Variants in SPECC1 observed in about 807,000 individuals in gnomAD.
The protein encoded by SPECC1 is cytospin-B.
Under a neutral mutation model 104.1 loss-of-function variants are expected in SPECC1, and 62 were observed. The observed-to-expected ratio is 0.60, with a 90% CI of 0.49 to 0.74. The LOEUF is 0.74. Among genes scored for constraint, SPECC1 ranks in the 30% least tolerant of loss-of-function variants. The pLI is 0.00. For synonymous variants in SPECC1, 513 were observed against 501.6 expected, an observed-to-expected ratio of 1.02 and a Z score of -0.30; for missense variants, 1,306 against 1,310.5, an observed-to-expected ratio of 1.00 and a Z score of 0.05.
chr17:20,246,095 G>A (rs758144296), intron 8 of SPECC1, 24 bp downstream of exon 8: 9 of 1,611,342 alleles, frequency 5.6e-6, no homozygotes, highest in Admixed American at 3.3e-5. Context: ...TTTTCTATAA[G>A]CAAAGCTCCA....
chr17:20,246,008 A>G lies in SPECC1; in HGVS notation c.2434A>G (p.Thr812Ala). The change falls in exon 8 of 15, where the codon ACA (threonine) becomes GCA (alanine). Residue 812 changes from threonine (T) to alanine (A), a missense_variant. This residue lies in a region of SPECC1 where 1,177 missense variants were observed against 1,139.9 expected (regional missense o/e 1.03). Coordinates refer to ENST00000395527, the MANE Select transcript of SPECC1 (RefSeq NM_001243439.2). ...PGVCVSRTSP[T>A]PPESATTVKS... is the part of the protein sequence containing the mutation. ...TGTCTGTGTTAGCAGAACATCTCCA[A>G]CACCCCCAGAGTCGGCAACCACCGT... 1 of 1,614,032 alleles carries G rather than the reference A, an allele frequency of 6.2e-7. No individual in the cohort carries two copies. The highest frequency in any genetic ancestry group is 1.3e-5 in the African/African-American group (1 of 74,996).
chr17:20,052,454 A>T (rs2045809600), intron 1 of SPECC1, among the ~76,000 whole-genome samples: 1 of 152,232 alleles, frequency 6.6e-6, no homozygotes, highest in Non-Finnish European at 1.5e-5. Flanking sequence ...GTTCTAGCTC[A>T]GAAACACCAG....
intron 1 of SPECC1, among the ~76,000 whole-genome samples, chr17:20,021,702 A>ATATTTT (rs1402960712): frequency 1.8e-4 from 25 of 139,276 alleles, no homozygotes; most frequent in African/African-American, 6.4e-4. Flanking sequence ...ATATATATAT[A>ATATTTT]TTTTTTTGTA....
intron 1 of SPECC1, among the ~76,000 whole-genome samples, chr17:20,024,770 T>C (rs1232108974): frequency 6.6e-6 from 1 of 152,132 alleles, no homozygotes; most frequent in Non-Finnish European, 1.5e-5. Flanking sequence ...TGGACTCTGA[T>C]AATAGCCCCT....
chr17:20,037,974 A>G (rs548414783), intron 1 of SPECC1, among the ~76,000 whole-genome samples: 39 of 152,234 alleles, frequency 2.6e-4, no homozygotes, highest in African/African-American at 9.4e-4. Flanking sequence ...TATCTATTTC[A>G]TATTGGGTGA....
Position 20,315,030 on chromosome 17 carries a change from C to T in SPECC1, c.*965C>T, listed in dbSNP as rs914902770. The T allele has an allele frequency of 8.6e-6, 2 of 232,792 alleles. No individual in the cohort carries two copies. The highest frequency in any genetic ancestry group is 4.4e-5 in the African/African-American group (2 of 45,334). The allele number at this position is 232,792 out of a possible 1,614,324, so 14.4% of individuals were successfully genotyped here. ...TCCTCGTCACCTGCGCCTTTGTCCT[C>T]CCATTCGTTTACCCTCCCGTTCACA... is the stretch of plus-strand genomic sequence containing the variant. On this transcript the variant is annotated 3_prime_UTR_variant, in exon 15 of 15. Coordinates refer to ENST00000395527, the MANE Select transcript of SPECC1 (RefSeq NM_001243439.2).
At chr17:20,043,277 CCTGTATCTAATAAATTAT>C (rs1189856161) in intron 1 of SPECC1, among the ~76,000 whole-genome samples, 2 of 152,168 alleles carry the variant, frequency 1.3e-5, no homozygotes. Context: ...CATCTTCCTT[CCTGTATCTAATAAATTAT>C]CTGTGGTGTG....
rs77517837 is a variant in SPECC1 at position 20,205,198 on chromosome 17, C to T, written c.1149C>T (p.Asn383=). 559 of 1,614,084 alleles carry T rather than the reference C, an allele frequency of 3.5e-4. No individual in the cohort carries two copies. In the African/African-American group the frequency reaches 6.9e-3, roughly 20 times the overall value. The stretch of plus-strand genomic sequence containing the variant: ...AGAAGATACAAAAGATGGAAGAAAA[C>T]CACCATAGCACTGCAGAAGAACTAC... ...LTEKIQKMEE[N]HHSTAEELQA... The change falls in exon 4 of 15, where the codon AAC becomes AAT. Residue 383 remains asparagine (N), a synonymous_variant. Transcript: ENST00000395527.
chr17:20,232,405 C>T lies in SPECC1; in HGVS notation c.2351C>T (p.Pro784Leu), dbSNP rs1333750784. Residue 784 changes from proline (P) to leucine (L), a missense_variant and splice_region_variant, in exon 7 of 15, where the codon CCA (proline) becomes CTA (leucine). Transcript: ENST00000395527. ...GRVVTSRAAP[P>L]PVDEEPESSE... ...GTGGTCACCAGCAGAGCCGCCCCTC[C>T]GTGAGTCTGGTGGGCACCAGGGCCG... The T allele has an allele frequency of 1.6e-5, 25 of 1,604,588 alleles. No homozygotes were observed. The highest frequency in any genetic ancestry group is 6.7e-5 in the East Asian group (3 of 44,556).
chr17:20,166,736 T>C lies in SPECC1; in HGVS notation c.284-37597T>C, dbSNP rs186791518. On this transcript the variant is annotated intron_variant, in intron 3 of 14. Transcript: ENST00000395527. ...TACGACTGTGTCTGTTTCACTCTTC[T>C]CTTTCCTCAGTACCTAGCCCAGCCT... Among the ~76,000 whole-genome samples the C allele has an allele frequency of 4.2e-3, 641 of 152,290 alleles. 3 individuals are homozygous for C. The highest frequency in any genetic ancestry group is 0.014 in the African/African-American group (562 of 41,552).
chr17:20,085,652 G>A (rs187129820), intron 1 of SPECC1, among the ~76,000 whole-genome samples: 1 of 152,356 alleles, frequency 6.6e-6, no homozygotes, highest in Non-Finnish European at 1.5e-5. Flanking sequence ...AGCTGGCACT[G>A]CAGGAATATT....
chr17:20,250,268 A>G (rs1047223325), intron 9 of SPECC1, among the ~76,000 whole-genome samples: 1 of 152,220 alleles, frequency 6.6e-6, no homozygotes, highest in Non-Finnish European at 1.5e-5. Flanking sequence ...TTTGAGTCCA[A>G]CAAAACCAGA....
Position 20,260,354 on chromosome 17 carries a change from T to C in SPECC1, c.2940+60T>C, listed in dbSNP as rs573927108. ...CTGGGCAGTAGTAGTCCTGTGCCAA[T>C]ACATGTTCCTTGTGTGCCTGTGCTT... On this transcript the variant is annotated intron_variant, in intron 12 of 14. Coordinates refer to ENST00000395527, the MANE Select transcript of SPECC1 (RefSeq NM_001243439.2). The C allele has an allele frequency of 2.2e-5, 32 of 1,434,122 alleles. No individual in the cohort carries two copies. The Admixed American group carries it at 5.7e-4, about 26-fold the overall frequency. 88.8% of individuals were successfully genotyped at this position (1,434,122 alleles called of 1,614,324 possible).
At chr17:20,224,049 G>A (rs954530457) in intron 4 of SPECC1, among the ~76,000 whole-genome samples, 2 of 152,170 alleles carry the variant, frequency 1.3e-5, no homozygotes, top group African/African-American at 2.4e-5. Flanking sequence ...AGCTGTGTCC[G>A]CATTAGGGGG....
In SPECC1 at chr17:20,251,224, C is replaced by CAAAAAAAAAAAAAAAAAAA. The variant is rs58071050; in HGVS notation, c.2599-2264_2599-2263insAAAAAAAAAAAAAAAAAAA. ...TGGGCGACAGAGTAAGACTCTATCT[C>CAAAAAAAAAAAAAAAAAAA]AAAAAAAAAAAAAAAAAGCATATGG... is the stretch of plus-strand genomic sequence containing the variant. On this transcript the variant is annotated intron_variant, in intron 9 of 14. Coordinates refer to ENST00000395527, the MANE Select transcript of SPECC1 (RefSeq NM_001243439.2). Among the ~76,000 whole-genome samples the CAAAAAAAAAAAAAAAAAAA allele has an allele frequency of 3.7e-4, 19 of 51,012 alleles. 3 individuals carry two copies. Among genetic ancestry groups the CAAAAAAAAAAAAAAAAAAA allele is most frequent in the South Asian group, 1.3e-3 (1 of 794 alleles). The allele number at this position is 51,012 out of a possible 152,430, so 33.5% of individuals were successfully genotyped here. A position where few individuals can be genotyped will look rare whatever the true frequency, so the allele number is the denominator to read the frequency against.
chr17:20,033,251 A>T (rs2044901117), intron 1 of SPECC1, among the ~76,000 whole-genome samples: 1 of 152,034 alleles, frequency 6.6e-6, no homozygotes, highest in Non-Finnish European at 1.5e-5. Context: ...GACATAAGCT[A>T]CCATGTCCGG....
intron 1 of SPECC1, among the ~76,000 whole-genome samples, chr17:20,011,934 C>T (rs1597558181): frequency 1.3e-5 from 2 of 152,124 alleles, no homozygotes; most frequent in African/African-American, 4.8e-5. Flanking sequence ...TTCTTTGGAA[C>T]ATTTTTCTTC....
rs144644857 is a variant in SPECC1, at chr17:20,146,579, T to A, written c.283+36017T>A. Among the ~76,000 whole-genome samples the A allele has an allele frequency of 4.7e-3, 710 of 152,330 alleles. 7 individuals carry two copies. The highest frequency in any genetic ancestry group is 0.024 in the Middle Eastern group (7 of 294). On this transcript the variant is annotated intron_variant, in intron 3 of 14. Transcript: ENST00000395527. Reference sequence around the variant, plus strand: ...TTGGGTAGATATCAAGAAGCTCAACTGCTGGATCTTATGATAAGAATATGT... The same window carrying A: ...TTGGGTAGATATCAAGAAGCTCAACAGCTGGATCTTATGATAAGAATATGT...
intron 12 of SPECC1, among the ~76,000 whole-genome samples, chr17:20,288,710 G>T (rs1316060117): frequency 6.6e-6 from 1 of 151,164 alleles, no homozygotes; most frequent in Non-Finnish European, 1.5e-5. Context: ...GGATTAATTG[G>T]ACTTACAGTT....
Sources: gnomAD v4.1 joint callset for allele counts (sites outside exome capture counted in the v4.1 genomes callset) on GRCh38, gnomAD v4.1.1 for gene constraint, gnomAD v4.1.1 regional missense constraint, MANE v1.5 for transcripts, NCBI Gene and HGNC (gene_info 2026-07-23, HGNC 2026-07-21) for gene names.